ITGA11: variants seen among roughly 807,000 people sequenced by gnomAD.
The protein encoded by ITGA11 is integrin alpha-11.
A neutral mutation model predicts 141.9 loss-of-function variants in ITGA11; 97 were observed. That is an observed-to-expected ratio of 0.68 (90% CI 0.58 to 0.81). The LOEUF (loss-of-function observed/expected upper bound fraction) is 0.81. ITGA11 is among the 30% of genes least tolerant of loss of function. The probability of loss-of-function intolerance (pLI) is 0.00; values close to 1 mark genes in which losing one functional copy is unlikely to be tolerated. For missense variants in ITGA11, 1,387 were observed against 1,559.2 expected (o/e 0.89, Z 1.86); for synonymous variants, 658 against 624.6 (o/e 1.05, Z -0.80).
intron 1 of ITGA11, among the ~76,000 whole-genome samples, chr15:68,413,932 G>A (rs114790137): frequency 5.1e-4 from 77 of 152,300 alleles, no homozygotes; most frequent in African/African-American, 1.5e-3. Flanking sequence ...ACCATCAAAC[G>A]TTTGGCATTG....
Position 68,350,668 on chromosome 15 carries a change from C to A in ITGA11, c.1009G>T (p.Ala337Ser), listed in dbSNP as rs771633422. ...KHFFNVTDEA[A>S]LKDIVDALGD... ...AGGGCATCGACAATGTCCTTCAAGG[C>A]AGCCTCATCAGTGACATTGAAGAAG... Residue 337 changes from alanine (A) to serine (S), a missense_variant, in exon 9 of 30, where the codon GCC becomes TCC. Transcript: ENST00000315757. 71 of 1,613,848 alleles carry A rather than the reference C, an allele frequency of 4.4e-5. No homozygotes were observed. Among genetic ancestry groups the A allele is most frequent in the Non-Finnish European group, 5.8e-5 (69 of 1,179,880 alleles).
At position 68,303,212 on chromosome 15, in the gene ITGA11, T is replaced by A; in HGVS notation, c.3496-82A>T. On this transcript the variant is annotated intron_variant, in intron 29 of 29. Transcript: ENST00000315757. The surrounding 1 kb of genome is among the most constrained non-coding windows in gnomAD (Gnocchi z 5.3). ...CCAGCTTTCCCTCCACTACCTTTCC[T>A]TGGGATTCCTCCCTCAGGGCTTCCT... The A allele has an allele frequency of 8.3e-7, 1 of 1,209,276 alleles. No homozygotes were observed. Among genetic ancestry groups the A allele is most frequent in the Non-Finnish European group, 1.2e-6 (1 of 850,466 alleles). 74.9% of individuals were successfully genotyped at this position (1,209,276 alleles called of 1,614,324 possible). A position where few individuals can be genotyped will look rare whatever the true frequency, so the allele number is the denominator to read the frequency against.
chr15:68,424,565 C>T (rs1051829007), intron 1 of ITGA11, among the ~76,000 whole-genome samples: 37 of 152,190 alleles, frequency 2.4e-4, no homozygotes, highest in African/African-American at 8.9e-4. Flanking sequence ...CATTCTCACC[C>T]TCACCCAGGA....
chr15:68,364,597 G>C (rs1349498768), intron 4 of ITGA11, 110 bp downstream of exon 4: 1 of 848,308 alleles, frequency 1.2e-6, no homozygotes, highest in Non-Finnish European at 1.9e-6. Flanking sequence ...GTTGGAGTGG[G>C]GGAGAGTGGG....
intron 1 of ITGA11, among the ~76,000 whole-genome samples, chr15:68,431,513 C>T (rs930346319): frequency 2.0e-5 from 3 of 152,196 alleles, no homozygotes; most frequent in African/African-American, 7.2e-5. Flanking sequence ...GCAGCCCTCA[C>T]CCCCACCCTT....
chr15:68,379,265 C>A (rs1382310458), intron 2 of ITGA11, among the ~76,000 whole-genome samples: 1 of 152,258 alleles, frequency 6.6e-6, no homozygotes, highest in Non-Finnish European at 1.5e-5. Flanking sequence ...CCTCTTCCTC[C>A]AGGAAGCCTT....
In ITGA11 at chr15:68,332,712, C is replaced by T. The variant is rs186039577; in HGVS notation, c.1426-234G>A. ...TCTTTTCCTTCTGTCATTATCCCCT[C>T]GCCACTCTTCTTTCTTTCTGTTAAT... On this transcript the variant is annotated intron_variant, in intron 12 of 29. Coordinates refer to ENST00000315757, the MANE Select transcript of ITGA11 (RefSeq NM_001004439.2). Among the ~76,000 whole-genome samples, 894 of 152,316 alleles carry T rather than the reference C, an allele frequency of 5.9e-3. 6 individuals carry two copies. The highest frequency in any genetic ancestry group is 0.014 in the Middle Eastern group (4 of 294).
chr15:68,390,011 TA>T (rs921157134), intron 2 of ITGA11, among the ~76,000 whole-genome samples: 24 of 152,352 alleles, frequency 1.6e-4, no homozygotes, highest in African/African-American at 5.5e-4. Flanking sequence ...TCATGTGGAT[TA>T]AATTTCTCTG....
intron 2 of ITGA11, among the ~76,000 whole-genome samples, chr15:68,384,025 A>G (rs1198351741): frequency 6.6e-6 from 1 of 151,944 alleles, no homozygotes; most frequent in Non-Finnish European, 1.5e-5. Context: ...TCTTTTCAAT[A>G]TTTTCACTAC....
rs1439178710 is a variant in ITGA11 at position 68,339,633 on chromosome 15, C to T, written c.1143G>A (p.Leu381=). Residue 381 remains leucine (L), a synonymous_variant, in exon 11 of 30, where the codon CTG becomes CTA. Transcript: ENST00000315757. ...FSSHVVEDGV[L]LGAVGAYDWN... ...AGTCATAGGCACCGACGGCTCCCAGCAGAACCCCATCCTGGCATTGGGGAG... is the reference window on the plus strand; with the variant it reads ...AGTCATAGGCACCGACGGCTCCCAGTAGAACCCCATCCTGGCATTGGGGAG... 1 of 1,613,988 alleles carries T rather than the reference C, an allele frequency of 6.2e-7. No homozygotes were observed. Among genetic ancestry groups the T allele is most frequent in the East Asian group, 2.2e-5 (1 of 44,876 alleles).
chr15:68,317,335 A>C lies in ITGA11; in HGVS notation c.2645T>G (p.Val882Gly). 1.9e-6 allele frequency: 3 copies of C among 1,613,542 alleles called. No homozygotes were observed. Among genetic ancestry groups the C allele is most frequent in the Non-Finnish European group, 1.7e-6 (2 of 1,179,654 alleles). Residue 882 changes from valine (V) to glycine (G), a missense_variant, in exon 21 of 30, where the codon GTG becomes GGG. Coordinates refer to ENST00000315757, the MANE Select transcript of ITGA11 (RefSeq NM_001004439.2). ...KEDSDGSIECVNEERRLQKQV... is the reference protein window; with the variant it reads ...KEDSDGSIECGNEERRLQKQV... ...CTTCTGGAGCCTCCTCTCCTCGTTC[A>C]CACACTCAATGCTACCGTCTGAGTC...
At chr15:68,400,587 TTATATATTATATATTATAATATATAA>T (rs1186270343) in intron 2 of ITGA11, among the ~76,000 whole-genome samples, 12 of 102,218 alleles carry the variant, frequency 1.2e-4, no homozygotes, top group African/African-American at 2.7e-4. Context: ...TATATATATT[TTATATATTATATATTATAATATATAA>T]TATATATTAT....
Position 68,308,537 on chromosome 15 carries a change from C to T in ITGA11, c.3175-841G>A, listed in dbSNP as rs907697294. On this transcript the variant is annotated intron_variant, in intron 26 of 29. Coordinates refer to ENST00000315757, the MANE Select transcript of ITGA11 (RefSeq NM_001004439.2). This position sits in a 1 kb window ranked among gnomAD's most constrained non-coding sequence, Gnocchi z 5.2. Reference sequence around the variant, plus strand: ...CAGGCGGATCACAAGGTCAGGAGATCGAGACCATCCTGGCTAACACAGTGA... The same window carrying T: ...CAGGCGGATCACAAGGTCAGGAGATTGAGACCATCCTGGCTAACACAGTGA... Among the ~76,000 whole-genome samples the T allele has an allele frequency of 6.6e-5, 10 of 151,996 alleles. No homozygotes were observed. The highest frequency in any genetic ancestry group is 3.9e-4 in the East Asian group (2 of 5,182).
intron 2 of ITGA11, among the ~76,000 whole-genome samples, chr15:68,396,370 A>AT (rs1468990057): frequency 2.6e-5 from 4 of 152,118 alleles, no homozygotes; most frequent in Non-Finnish European, 4.4e-5. Context: ...CCTGTTCATA[A>AT]TTTTTAAAAA....
chr15:68,344,562 A>T (rs1224794064), intron 10 of ITGA11, among the ~76,000 whole-genome samples: 3 of 152,024 alleles, frequency 2.0e-5, no homozygotes, highest in Non-Finnish European at 4.4e-5. Flanking sequence ...TGGGATGTTT[A>T]TACCTCCAGA....
intron 7 of ITGA11, among the ~76,000 whole-genome samples, chr15:68,353,527 C>A (rs1227283595): frequency 6.6e-6 from 1 of 151,964 alleles, no homozygotes; most frequent in African/African-American, 2.4e-5. Flanking sequence ...ATATATGGAC[C>A]CAAGAAAAAT....
chr15:68,395,288 T>A (rs1476096929), intron 2 of ITGA11, among the ~76,000 whole-genome samples: 1 of 152,106 alleles, frequency 6.6e-6, no homozygotes, highest in East Asian at 1.9e-4. Context: ...GGATCGCAGA[T>A]CCTCACCAGC....
rs1404713117 is a variant in ITGA11 at position 68,326,799 on chromosome 15, G to T, written c.2069-3C>A. The T allele has an allele frequency of 1.3e-6, 2 of 1,576,902 alleles. No homozygotes were observed. Among genetic ancestry groups the T allele is most frequent in the Non-Finnish European group, 1.7e-6 (2 of 1,160,510 alleles). On this transcript the variant is annotated splice_region_variant and splice_polypyrimidine_tract_variant and intron_variant, in intron 16 of 29. Transcript: ENST00000315757. The surrounding 1 kb of genome is among the most constrained non-coding windows in gnomAD (Gnocchi z 6.8). The stretch of plus-strand genomic sequence containing the variant: ...CATGGTGGCGTTGTATCTGATGCCT[G>T]CAGGAGGGGAGAGGGCAAGACCACA...
intron 3 of ITGA11, chr15:68,365,245 A>G (rs2140354919): frequency 1.0e-6 from 1 of 985,268 alleles, no homozygotes; most frequent in Non-Finnish European, 1.2e-6. Flanking sequence ...TTCTGTGCCC[A>G]CTTCTCTGCT....
Sources: gnomAD v4.1 joint callset for allele counts (sites outside exome capture counted in the v4.1 genomes callset) on GRCh38, gnomAD v4.1.1 for gene constraint, Gnocchi (gnomAD v3.1) non-coding constraint, MANE v1.5 for transcripts, NCBI Gene and HGNC (gene_info 2026-07-23, HGNC 2026-07-21) for gene names.